The following RANBP17 variants were observed in gnomAD, a reference collection of about 807,000 sequenced individuals.
RANBP17 encodes the protein RAN binding protein 17.
In RANBP17, 158 loss-of-function variants were observed where a neutral mutation model predicts 141.2. That is an observed-to-expected ratio of 1.12 (90% CI 0.98 to 1.28). RANBP17 has a LOEUF of 1.28. Among genes scored for constraint, RANBP17 ranks in the 50% most tolerant of loss-of-function variants. The pLI, the probability that RANBP17 is intolerant of heterozygous loss-of-function variation, is 0.00. For synonymous variants in RANBP17, 430 were observed against 450.0 expected, an observed-to-expected ratio of 0.96 and a Z score of 0.56; for missense variants, 1,438 against 1,290.7, an observed-to-expected ratio of 1.11 and a Z score of -1.75.
rs546091715 is a variant in RANBP17 at position 171,023,932 on chromosome 5, G to GT, written c.1710+55561dup. Reference sequence around the variant, plus strand: ...AGTGTTACTTCATATATTTAATCCAGTTTTTTGTTGTTGCAAAAATCAAGA... The same window carrying GT: ...AGTGTTACTTCATATATTTAATCCAGTTTTTTTGTTGTTGCAAAAATCAAGA... On this transcript the variant is annotated intron_variant, in intron 14 of 27. Transcript: ENST00000523189. 3.3e-3 allele frequency among the ~76,000 whole-genome samples: 495 copies of GT among 152,254 alleles called. 2 individuals carry two copies. Among genetic ancestry groups the GT allele is most frequent in the African/African-American group, 0.011 (464 of 41,552 alleles).
intron 14 of RANBP17, among the ~76,000 whole-genome samples, chr5:171,005,831 T>C (rs1779561011): frequency 6.6e-6 from 1 of 152,156 alleles, no homozygotes; most frequent in African/African-American, 2.4e-5. Context: ...GGGAAAATTT[T>C]TGCAATCTAC....
intron 14 of RANBP17, among the ~76,000 whole-genome samples, chr5:171,153,921 G>A (rs1371888514): frequency 6.6e-6 from 1 of 151,946 alleles, no homozygotes; most frequent in African/African-American, 2.4e-5. Context: ...CAGCTACTCG[G>A]GAGGGTGAGG....
rs374085221 is a variant in RANBP17 at position 171,232,435 on chromosome 5, T to C, written c.2423-8493T>C. ...TGTACTACCATGTCTTTTTCTATCA[T>C]GTTTTTCTGTACCTATCACTTTCTT... On this transcript the variant is annotated intron_variant, in intron 22 of 27. Transcript: ENST00000523189. Among the ~76,000 whole-genome samples, 196 of 152,314 alleles carry C rather than the reference T, an allele frequency of 1.3e-3. 9 individuals carry two copies. In the South Asian group the frequency reaches 0.039, roughly 30 times the overall value.
chr5:171,149,965 T>C (rs899753357), intron 14 of RANBP17, among the ~76,000 whole-genome samples: 16 of 152,106 alleles, frequency 1.1e-4, no homozygotes, highest in Non-Finnish European at 1.8e-4. Context: ...TGAACAGATG[T>C]GGGGGTAGGG....
chr5:171,113,032 ATACT>A (rs2127762053), intron 14 of RANBP17, among the ~76,000 whole-genome samples: 1 of 152,208 alleles, frequency 6.6e-6, no homozygotes, highest in African/African-American at 2.4e-5. Flanking sequence ...CATAGAGTAG[ATACT>A]TAATAAAAGC....
Position 171,104,795 on chromosome 5 carries a change from C to G in RANBP17, c.1711-65335C>G, listed in dbSNP as rs371029222. The stretch of plus-strand genomic sequence containing the variant: ...GAGGATAGAGATAATATGCTTAGCT[C>G]AATAACTCGCATATAGAAGATGCTT... On this transcript the variant is annotated intron_variant, in intron 14 of 27. Coordinates refer to ENST00000523189, the MANE Select transcript of RANBP17 (RefSeq NM_022897.5). 4.9e-4 allele frequency among the ~76,000 whole-genome samples: 75 copies of G among 152,210 alleles called. 1 individual carries two copies. The South Asian group carries it at 0.015, about 31-fold the overall frequency.
chr5:170,940,951 A>G (rs1331944087), intron 12 of RANBP17, among the ~76,000 whole-genome samples: 1 of 152,080 alleles, frequency 6.6e-6, no homozygotes, highest in African/African-American at 2.4e-5. Flanking sequence ...AAAAAAAACT[A>G]AATTGCAAAA....
At chr5:171,016,614 A>G (rs899710167) in intron 14 of RANBP17, among the ~76,000 whole-genome samples, 1 of 151,984 alleles carries the variant, frequency 6.6e-6, no homozygotes, top group Non-Finnish European at 1.5e-5. Flanking sequence ...TACGTGTGCC[A>G]TGTTGGTGTG....
At position 171,236,358 on chromosome 5, in the gene RANBP17, C is replaced by T. The variant is rs141810069; in HGVS notation, c.2423-4570C>T. Among the ~76,000 whole-genome samples, 58 of 152,264 alleles carry T rather than the reference C, an allele frequency of 3.8e-4. No homozygotes were observed. In the East Asian group the frequency reaches 0.011, roughly 29 times the overall value. ...TGTTAGTTTCTCCTGGTATAAGATACTACGGTGGTATATCTTATCCCTTGC... is the reference window on the plus strand; with the variant it reads ...TGTTAGTTTCTCCTGGTATAAGATATTACGGTGGTATATCTTATCCCTTGC... On this transcript the variant is annotated intron_variant, in intron 22 of 27. Transcript: ENST00000523189.
chr5:171,246,714 C>G (rs1459092851), intron 24 of RANBP17, among the ~76,000 whole-genome samples: 1 of 152,206 alleles, frequency 6.6e-6, no homozygotes, highest in Non-Finnish European at 1.5e-5. Context: ...TGCATTTTAA[C>G]AGACTTTCAA....
chr5:171,090,163 T>A (rs1786127906), intron 14 of RANBP17, among the ~76,000 whole-genome samples: 1 of 152,194 alleles, frequency 6.6e-6, no homozygotes, highest in Non-Finnish European at 1.5e-5. Flanking sequence ...TGGAACTCCC[T>A]AGAGACTTGT....
At chr5:171,012,871 C>A (rs1780157451) in intron 14 of RANBP17, among the ~76,000 whole-genome samples, 1 of 152,120 alleles carries the variant, frequency 6.6e-6, no homozygotes, top group African/African-American at 2.4e-5. Context: ...ACGATCAAAT[C>A]ACAGAATAGT....
intron 14 of RANBP17, among the ~76,000 whole-genome samples, chr5:171,122,977 T>G (rs547239233): frequency 6.6e-6 from 1 of 152,246 alleles, no homozygotes; most frequent in East Asian, 1.9e-4. Flanking sequence ...AAACTCTAGC[T>G]AATGCAGTCC....
intron 18 of RANBP17, among the ~76,000 whole-genome samples, chr5:171,186,566 T>C (rs1360508059): frequency 1.1e-5 from 1 of 94,684 alleles, no homozygotes; most frequent in African/African-American, 4.0e-5. Context: ...AGACGGAGTC[T>C]CGCTCTGTCG....
intron 14 of RANBP17, among the ~76,000 whole-genome samples, chr5:171,006,032 A>C (rs868012546): frequency 1.1e-3 from 167 of 152,254 alleles, no homozygotes; most frequent in Middle Eastern, 3.4e-3. Context: ...AATGCAAATC[A>C]AAACCACAAT....
intron 25 of RANBP17, among the ~76,000 whole-genome samples, chr5:171,279,301 C>A (rs1767708902): frequency 6.6e-6 from 1 of 152,158 alleles, no homozygotes; most frequent in South Asian, 2.1e-4. Context: ...GCTATTATAG[C>A]AGAATACCGT....
At chr5:170,909,555 T>TGGGTTCTA (rs1771350509) in intron 5 of RANBP17, 106 bp from the exon 6 acceptor site, 1 of 611,338 alleles carries the variant, frequency 1.6e-6, no homozygotes. Flanking sequence ...TCTAGAAACT[T>TGGGTTCTA]GGGTTCTACT....
intron 14 of RANBP17, among the ~76,000 whole-genome samples, chr5:171,129,416 G>T (rs578244843): frequency 1.3e-5 from 2 of 152,056 alleles, no homozygotes; most frequent in Non-Finnish European, 1.5e-5. Flanking sequence ...TTAGAAAACG[G>T]CTTCCTCTTC....
intron 11 of RANBP17, among the ~76,000 whole-genome samples, chr5:170,922,904 T>A (rs986646457): frequency 4.6e-5 from 7 of 152,126 alleles, no homozygotes; most frequent in Non-Finnish European, 8.8e-5. Flanking sequence ...TCTGCATTGA[T>A]CTCACTGGGG....
Sources: allele counts gnomAD v4.1 joint callset (sites outside exome capture counted in the v4.1 genomes callset), GRCh38; gene constraint gnomAD v4.1.1; transcripts MANE v1.5; gene names NCBI Gene and HGNC (gene_info 2026-07-23, HGNC 2026-07-21).